Variants in KANK1 observed in about 807,000 individuals in gnomAD.
The protein encoded by KANK1 is KN motif and ankyrin repeat domains 1.
In KANK1, 109 loss-of-function variants were observed where a neutral mutation model predicts 106.2. The ratio of observed to expected loss-of-function variants is 1.03; its 90% confidence interval spans 0.88 to 1.20. KANK1 has a LOEUF of 1.20. Ranked by LOEUF, KANK1 falls within the 50% of genes most tolerant of loss-of-function variation. The pLI, the probability that KANK1 is intolerant of heterozygous loss-of-function variation, is 0.00. For missense variants in KANK1, 2,399 were observed against 1,710.7 expected, an observed-to-expected ratio of 1.40 and a Z score of -7.10; for synonymous variants, 873 against 652.2, an observed-to-expected ratio of 1.34 and a Z score of -5.16.
chr9:548,413 G>A (rs957495212), intron 1 of KANK1, among the ~76,000 whole-genome samples: 1 of 152,138 alleles, frequency 6.6e-6, no homozygotes, highest in African/African-American at 2.4e-5. Flanking sequence ...CGTGAACTTG[G>A]TACTTACTTC....
intron 3 of KANK1, among the ~76,000 whole-genome samples, chr9:497,548 A>G (rs1256778195): frequency 6.6e-6 from 1 of 151,958 alleles, no homozygotes; most frequent in Non-Finnish European, 1.5e-5. Flanking sequence ...CTTTCAAAAA[A>G]CCCTTAATTA....
chr9:732,829 G>A (rs1398705927), intron 6 of KANK1: 1 of 444,554 alleles, frequency 2.2e-6, no homozygotes, highest in South Asian at 5.6e-5. Context: ...AATCACCCTT[G>A]TTTTCTGAAA....
intron 5 of KANK1, chr9:732,171 T>G (rs969912893): frequency 5.7e-6 from 3 of 527,352 alleles, no homozygotes; most frequent in Non-Finnish European, 6.8e-6. Flanking sequence ...TACCAATTGG[T>G]TATATGATAC....
rs1310703701 is a variant in KANK1 at position 645,816 on chromosome 9, G to C, written c.-83-31074G>C. Among the ~76,000 whole-genome samples the C allele has an allele frequency of 2.7e-5, 4 of 150,822 alleles. No homozygotes were observed. In the East Asian group the frequency reaches 7.7e-4, roughly 29 times the overall value. On this transcript the variant is annotated intron_variant, in intron 1 of 11. Coordinates refer to ENST00000382297, the MANE Select transcript of KANK1 (RefSeq NM_015158.5). The stretch of plus-strand genomic sequence containing the variant: ...CCACTGCACTTCAGCTTGGGCGACA[G>C]AGCAAGACTCCATCTCAAAAAATGT...
At position 745,282 on chromosome 9, in the gene KANK1, A is replaced by G; in HGVS notation, c.*47A>G. On this transcript the variant is annotated 3_prime_UTR_variant, in exon 12 of 12. Transcript: ENST00000382297. ...TTTACATGCCACTATTAAGCTGCTA[A>G]TTGTTCCTGTTGGGGTGACAGATAC... is the stretch of plus-strand genomic sequence containing the variant. The G allele has an allele frequency of 1.9e-6, 3 of 1,610,856 alleles. No individual in the cohort carries two copies. The highest frequency in any genetic ancestry group is 8.5e-7 in the Non-Finnish European group (1 of 1,177,236).
intron 1 of KANK1, among the ~76,000 whole-genome samples, chr9:559,401 T>TAAAAAA (rs3832615): frequency 6.7e-6 from 1 of 148,868 alleles, no homozygotes; most frequent in Non-Finnish European, 1.5e-5. Context: ...TTGGAGAGGT[T>TAAAAAA]AAAAAAAAAA....
chr9:493,412 C>T (rs890707074), intron 3 of KANK1, among the ~76,000 whole-genome samples: 5 of 151,806 alleles, frequency 3.3e-5, no homozygotes, highest in African/African-American at 1.2e-4. Flanking sequence ...ATGACAGAAG[C>T]CCCCAGTGAC....
chr9:577,155 A>C (rs1820781277), intron 1 of KANK1, among the ~76,000 whole-genome samples: 1 of 152,246 alleles, frequency 6.6e-6, no homozygotes, highest in South Asian at 2.1e-4. Context: ...CAAAGCTTCC[A>C]CAGCATGGAA....
intron 1 of KANK1, among the ~76,000 whole-genome samples, chr9:652,767 G>A (rs16921901): frequency 0.16 from 24,592 of 152,188 alleles, 2,187 homozygotes; most frequent in African/African-American, 0.19. Context: ...ATACACCAAA[G>A]CGTTGATAGT....
intron 1 of KANK1, among the ~76,000 whole-genome samples, chr9:637,478 T>C (rs1837420280): frequency 6.6e-6 from 1 of 152,180 alleles, no homozygotes; most frequent in Non-Finnish European, 1.5e-5. Context: ...TTAGCATGCA[T>C]CACAATCACT....
intron 1 of KANK1, among the ~76,000 whole-genome samples, chr9:597,185 C>G (rs879234488): frequency 6.6e-6 from 1 of 151,876 alleles, no homozygotes; most frequent in Middle Eastern, 3.4e-3. Flanking sequence ...CTGCTATGAA[C>G]ATGGGTGTGT....
intron 3 of KANK1, among the ~76,000 whole-genome samples, chr9:722,327 C>A (rs1021218050): frequency 3.9e-5 from 6 of 152,096 alleles, no homozygotes; most frequent in African/African-American, 1.4e-4. Flanking sequence ...CTCTCTCTCT[C>A]TCTGTCTCTC....
At chr9:513,830 A>G (rs1481970403) in intron 1 of KANK1, among the ~76,000 whole-genome samples, 1 of 152,156 alleles carries the variant, frequency 6.6e-6, no homozygotes, top group African/African-American at 2.4e-5. Context: ...AGCCATAGCC[A>G]ACATGGCAAA....
chr9:693,419 C>G, intron 2 of KANK1: 1 of 985,398 alleles, frequency 1.0e-6, no homozygotes. Context: ...TGATTTCTTC[C>G]TAGAATTAAC....
chr9:597,652 CT>C (rs775560498), intron 1 of KANK1, among the ~76,000 whole-genome samples: 3 of 150,132 alleles, frequency 2.0e-5, no homozygotes, highest in Admixed American at 6.6e-5. Context: ...TTAAGGTTTT[CT>C]TTTTTTTTAA....
chr9:654,559 A>C (rs1020543674), intron 1 of KANK1, among the ~76,000 whole-genome samples: 1 of 141,872 alleles, frequency 7.0e-6, no homozygotes, highest in African/African-American at 2.9e-5. Flanking sequence ...AGAAGGGACA[A>C]TGTAATATAT....
At chr9:565,412 A>C (rs1471326945) in intron 1 of KANK1, among the ~76,000 whole-genome samples, 1 of 152,234 alleles carries the variant, frequency 6.6e-6, no homozygotes, top group East Asian at 1.9e-4. Context: ...GTCACCCAAA[A>C]GGGTCTTCCA....
At chr9:683,248 A>C (rs1817920793) in intron 2 of KANK1, among the ~76,000 whole-genome samples, 1 of 152,146 alleles carries the variant, frequency 6.6e-6, no homozygotes, top group South Asian at 2.1e-4. Flanking sequence ...GGTTGAATGA[A>C]TTTGCAGAAG....
rs150840874 is a variant in KANK1 at position 732,502 on chromosome 9, C to T, written c.3130C>T (p.Arg1044Trp). The T allele has an allele frequency of 7.6e-4, 1,219 of 1,614,004 alleles. 2 individuals carry two copies. The highest frequency in any genetic ancestry group is 1.2e-3 in the Admixed American group (74 of 59,994). Residue 1044 changes from arginine (R) to tryptophan (W), a missense_variant, in exon 6 of 12, where the codon CGG becomes TGG. Coordinates refer to ENST00000382297, the MANE Select transcript of KANK1 (RefSeq NM_015158.5). ...GGAGGAGGAGGAGGATGAAGACACTCGGGGAATGGCAGAAGGGCACCATGC... is the reference window on the plus strand; with the variant it reads ...GGAGGAGGAGGAGGATGAAGACACTTGGGGAATGGCAGAAGGGCACCATGC... ...EEEEEEDEDTRGMAEGHHAVN... is the reference protein window; with the variant it reads ...EEEEEEDEDTWGMAEGHHAVN...
Sources: gnomAD v4.1 joint callset for allele counts (sites outside exome capture counted in the v4.1 genomes callset) on GRCh38, gnomAD v4.1.1 for gene constraint, MANE v1.5 for transcripts, NCBI Gene and HGNC (gene_info 2026-07-23, HGNC 2026-07-21) for gene names.